The following ALDH1L2 variants were observed in gnomAD, a reference collection of about 807,000 sequenced individuals.
ALDH1L2 encodes aldehyde dehydrogenase 1 family member L2, also known as mitochondrial 10-formyltetrahydrofolate dehydrogenase.
In ALDH1L2, 91 loss-of-function variants were observed where a neutral mutation model predicts 111.0. That is an observed-to-expected ratio of 0.82 (90% confidence interval 0.69 to 0.98). The LOEUF (loss-of-function observed/expected upper bound fraction) is 0.98. Among genes scored for constraint, ALDH1L2 ranks in the 50% least tolerant of loss-of-function variants. The probability of loss-of-function intolerance (pLI) is 0.00; values close to 1 mark genes in which losing one functional copy is unlikely to be tolerated. For synonymous variants in ALDH1L2, 374 were observed against 392.6 expected, an observed-to-expected ratio of 0.95 and a Z score of 0.56; for missense variants, 995 against 1,126.8, an observed-to-expected ratio of 0.88 and a Z score of 1.67.
At chr12:105,032,085 T>C (rs1400860378) in intron 19 of ALDH1L2, 151 bp from the exon 20 acceptor site, 7 of 799,510 alleles carry the variant, frequency 8.8e-6, no homozygotes, top group Non-Finnish European at 1.3e-5. Flanking sequence ...TTTTTTTTTT[T>C]TTTTCCTTTT....
chr12:105,052,879 A>G lies in ALDH1L2; in HGVS notation c.1340T>C (p.Ile447Thr), dbSNP rs763501960. The change falls in exon 11 of 23, where the codon ATA (isoleucine) becomes ACA (threonine). Residue 447 changes from isoleucine to threonine, a missense_variant. Ile to Thr is a moderately conservative substitution (Grantham distance 89). Transcript: ENST00000258494. ...GTCTGCATCTGTGAACTGTCCATTTATGAAACACTGGTATGGCATTTTTAC... is the reference window on the plus strand; with the variant it reads ...GTCTGCATCTGTGAACTGTCCATTTGTGAAACACTGGTATGGCATTTTTAC... The part of the protein sequence containing the change: ...IMVKMPYQCF[I>T]NGQFTDADDG... 7 of 1,614,018 alleles carry G rather than the reference A, an allele frequency of 4.3e-6. No homozygotes were observed. The East Asian group carries it at 1.1e-4, about 26-fold the overall frequency.
intron 17 of ALDH1L2, among the ~76,000 whole-genome samples, chr12:105,038,544 G>A (rs1210342639): frequency 1.3e-5 from 2 of 152,082 alleles, no homozygotes; most frequent in Non-Finnish European, 1.5e-5. Flanking sequence ...GTGTGTGACT[G>A]TAGTGTCAGC....
intron 10 of ALDH1L2, among the ~76,000 whole-genome samples, chr12:105,056,239 G>A (rs1876622471): frequency 6.6e-6 from 1 of 152,084 alleles, no homozygotes; most frequent in African/African-American, 2.4e-5. Flanking sequence ...ATGAAGGCCA[G>A]AAGGCAATAC....
intron 21 of ALDH1L2, among the ~76,000 whole-genome samples, chr12:105,029,237 A>G (rs1329400418): frequency 1.3e-5 from 2 of 152,194 alleles, no homozygotes; most frequent in East Asian, 1.9e-4. Context: ...TTTGTTGCCC[A>G]GGCTGATCTC....
At chr12:105,061,399 C>G (rs1233640791) in intron 8 of ALDH1L2, among the ~76,000 whole-genome samples, 4 of 152,198 alleles carry the variant, frequency 2.6e-5, no homozygotes, top group African/African-American at 7.2e-5. Flanking sequence ...GACTTCACCC[C>G]TAACCCCCGT....
Position 105,019,931 on chromosome 12 carries a change from A to G in ALDH1L2, c.*4493T>C, listed in dbSNP as rs1874079018. The G allele has an allele frequency of 6.6e-6, 1 of 152,210 alleles. No individual in the cohort carries two copies. The highest frequency in any genetic ancestry group is 2.1e-4 in the South Asian group (1 of 4,836). 9.4% of individuals were successfully genotyped at this position (152,210 alleles called of 1,614,324 possible). A position where few individuals can be genotyped will look rare whatever the true frequency, so the allele number is the denominator to read the frequency against. ...TAGAAAAAGTTTGGAACAATCTCAG[A>G]TATCATCTGTAGGCTATTTCTGTTT... On this transcript the variant is annotated 3_prime_UTR_variant, in exon 23 of 23. Coordinates refer to ENST00000258494, the MANE Select transcript of ALDH1L2 (RefSeq NM_001034173.4).
chr12:105,067,215 C>CAA (rs11334156), intron 4 of ALDH1L2, among the ~76,000 whole-genome samples: 76 of 97,222 alleles, frequency 7.8e-4, no homozygotes, highest in African/African-American at 2.9e-3. Flanking sequence ...GACTCTGTCT[C>CAA]AAAAAAAAAA....
At chr12:105,073,744 G>T in intron 2 of ALDH1L2, 117 bp downstream of exon 2, 1 of 1,387,894 alleles carries the variant, frequency 7.2e-7, no homozygotes, top group Non-Finnish European at 9.8e-7. Context: ...CTTCCTGCTT[G>T]CTGGAATGGC....
chr12:105,036,167 A>T (rs1445390605), intron 18 of ALDH1L2, among the ~76,000 whole-genome samples: 1 of 57,270 alleles, frequency 1.7e-5, no homozygotes, highest in Non-Finnish European at 2.7e-5. Flanking sequence ...TATAATATAT[A>T]CACGTATATT....
At position 105,042,406 on chromosome 12, in the gene ALDH1L2, T is replaced by TG. The variant is rs1592775224; in HGVS notation, c.1864-1713_1864-1712insC. On this transcript the variant is annotated intron_variant, in intron 15 of 22. Transcript: ENST00000258494. ...TAGAGTTTAATATGTATTTGGGTTTTTTTGTTGTTGTTGTTTTGCGTTGCC... is the reference window on the plus strand; with the variant it reads ...TAGAGTTTAATATGTATTTGGGTTTTGTTTGTTGTTGTTGTTTTGCGTTGCC... Among the ~76,000 whole-genome samples the TG allele has an allele frequency of 3.8e-5, 5 of 131,498 alleles. No individual in the cohort carries two copies. The East Asian group carries it at 1.3e-3, about 33-fold the overall frequency. The allele number at this position is 131,498 out of a possible 152,430, so 86.3% of individuals were successfully genotyped here.
intron 8 of ALDH1L2, among the ~76,000 whole-genome samples, chr12:105,061,292 C>T (rs970963334): frequency 6.6e-6 from 1 of 152,106 alleles, no homozygotes; most frequent in Non-Finnish European, 1.5e-5. Context: ...TAAACCTCCT[C>T]CACGCCATTC....
In ALDH1L2 at chr12:105,023,733, T is replaced by C. The variant is rs549458176; in HGVS notation, c.*691A>G. 1 of 152,220 alleles carries C rather than the reference T, an allele frequency of 6.6e-6. No homozygotes were observed. Among genetic ancestry groups the C allele is most frequent in the South Asian group, 2.1e-4 (1 of 4,824 alleles). The allele number at this position is 152,220 out of a possible 1,614,324, so 9.4% of individuals were successfully genotyped here. A position where few individuals can be genotyped will look rare whatever the true frequency, so the allele number is the denominator to read the frequency against. On this transcript the variant is annotated 3_prime_UTR_variant, in exon 23 of 23. Coordinates refer to ENST00000258494, the MANE Select transcript of ALDH1L2 (RefSeq NM_001034173.4). ...GATACGACCAGGATCAGCCTTCTAC[T>C]ATATCATATGTAAAATTTGCTTCAA...
At chr12:105,081,277 C>T (rs1454708220) in intron 1 of ALDH1L2, among the ~76,000 whole-genome samples, 1 of 152,160 alleles carries the variant, frequency 6.6e-6, no homozygotes, top group Non-Finnish European at 1.5e-5. Flanking sequence ...GATTTAGAGT[C>T]CTCAGTGTAT....
chr12:105,037,061 G>A (rs551241648), intron 18 of ALDH1L2, among the ~76,000 whole-genome samples: 2 of 152,260 alleles, frequency 1.3e-5, no homozygotes, highest in Admixed American at 1.3e-4. Context: ...GGTGAACAGA[G>A]TCTGCTTAGT....
At position 105,036,513 on chromosome 12, in the gene ALDH1L2, TTTATATA is replaced by T. The variant is rs1875125752; in HGVS notation, c.2145+1583_2145+1589del. Among the ~76,000 whole-genome samples, 60 of 53,828 alleles carry T rather than the reference TTTATATA, an allele frequency of 1.1e-3. 4 individuals are homozygous for T. The highest frequency in any genetic ancestry group is 4.0e-3 in the South Asian group (6 of 1,510). 35.3% of individuals were successfully genotyped at this position (53,828 alleles called of 152,430 possible). A position where few individuals can be genotyped will look rare whatever the true frequency, so the allele number is the denominator to read the frequency against. On this transcript the variant is annotated intron_variant, in intron 18 of 22. Coordinates refer to ENST00000258494, the MANE Select transcript of ALDH1L2 (RefSeq NM_001034173.4). ...TATATTTATATATGTATATATATAT[TTTATATA>T]TATATATATATATATATATATATAT...
intron 5 of ALDH1L2, among the ~76,000 whole-genome samples, chr12:105,065,713 T>A (rs1445929249): frequency 7.1e-6 from 1 of 141,384 alleles, no homozygotes; most frequent in East Asian, 2.1e-4. Context: ...CTCTGCCTCT[T>A]TTTTTTTTTG....
In ALDH1L2 at chr12:105,046,962, G is replaced by GTA. The variant is rs746480947; in HGVS notation, c.1692_1693dup (p.Thr565IlefsTer14). The GTA allele has an allele frequency of 6.2e-7, 1 of 1,613,978 alleles. No homozygotes were observed. Among genetic ancestry groups the GTA allele is most frequent in the South Asian group, 1.1e-5 (1 of 91,086 alleles). On this transcript the variant is annotated frameshift_variant, in exon 14 of 23. Transcript: ENST00000258494. LOFTEE classifies it high-confidence loss of function. ...TGGACGGGCCTGGTTGATTGGAATA[G>GTA]TAGAACCCTAAAGAATGAGAAAAGT...
intron 21 of ALDH1L2, among the ~76,000 whole-genome samples, 186 bp from the exon 22 acceptor site, chr12:105,026,930 A>G (rs1196989633): frequency 6.6e-6 from 1 of 152,250 alleles, no homozygotes; most frequent in African/African-American, 2.4e-5. Context: ...GTGCAGTGGC[A>G]CAATCATAGC....
chr12:105,037,208 CA>C (rs1875204787), intron 18 of ALDH1L2, among the ~76,000 whole-genome samples: 1 of 143,212 alleles, frequency 7.0e-6, no homozygotes, highest in African/African-American at 2.8e-5. Context: ...AGAACTAGGC[CA>C]ATTTTTTTTA....
Sources: gnomAD v4.1 joint callset for allele counts (sites outside exome capture counted in the v4.1 genomes callset) on GRCh38, gnomAD v4.1.1 for gene constraint, MANE v1.5 for transcripts, NCBI Gene and HGNC (gene_info 2026-07-23, HGNC 2026-07-21) for gene names.